The following IFT122 variants were observed in gnomAD, a reference collection of about 807,000 sequenced individuals.
IFT122 encodes intraflagellar transport 122.
Under a neutral mutation model 161.6 loss-of-function variants are expected in IFT122, and 118 were observed. The observed-to-expected ratio is 0.73, with a 90% confidence interval of 0.63 to 0.85. IFT122 has a LOEUF of 0.85. IFT122 is among the 40% of genes least tolerant of loss of function. The pLI is 0.00. For missense variants in IFT122, 1,381 were observed against 1,579.6 expected (o/e 0.87, Z 2.13); for synonymous variants, 550 against 602.4 (o/e 0.91, Z 1.27).
intron 18 of IFT122, among the ~76,000 whole-genome samples, chr3:129,498,233 C>T (rs2081118947): frequency 6.6e-6 from 1 of 152,258 alleles, no homozygotes; most frequent in South Asian, 2.1e-4. Context: ...TTATGGCTCC[C>T]TCTCAGCCTC....
intron 1 of IFT122, among the ~76,000 whole-genome samples, chr3:129,444,046 C>G (rs1384279587): frequency 6.6e-6 from 1 of 152,198 alleles, no homozygotes; most frequent in East Asian, 1.9e-4. Flanking sequence ...GCTCCAACAT[C>G]TAATAATCCA....
intron 9 of IFT122, among the ~76,000 whole-genome samples, chr3:129,471,968 A>C (rs945842402): frequency 6.6e-6 from 1 of 152,194 alleles, no homozygotes; most frequent in African/African-American, 2.4e-5. Context: ...TGTTATCATC[A>C]CCATTTTACA....
chr3:129,491,804 C>A (rs1195902905), intron 16 of IFT122, among the ~76,000 whole-genome samples: 1 of 152,200 alleles, frequency 6.6e-6, no homozygotes, highest in East Asian at 1.9e-4. Flanking sequence ...CGTGACCCCC[C>A]AGAGGGTCAG....
chr3:129,496,320 C>A (rs1280410019), intron 18 of IFT122, among the ~76,000 whole-genome samples: 1 of 152,044 alleles, frequency 6.6e-6, no homozygotes, highest in African/African-American at 2.4e-5. Flanking sequence ...CTAAGGAGCC[C>A]AGAGCAGTCA....
intron 11 of IFT122, 96 bp downstream of exon 11, chr3:129,476,897 C>G (rs1240797217): frequency 1.3e-6 from 2 of 1,497,392 alleles, no homozygotes; most frequent in Non-Finnish European, 1.8e-6. Flanking sequence ...AAAGGTTTCT[C>G]TTTGGCGTTT....
In IFT122 at chr3:129,457,354, A is replaced by G. The variant is rs556180686; in HGVS notation, c.194-1245A>G. Among the ~76,000 whole-genome samples, 17 of 152,338 alleles carry G rather than the reference A, an allele frequency of 1.1e-4. No homozygotes were observed. The East Asian group carries it at 3.3e-3, about 29-fold the overall frequency. ...TTCCCATTGCTTTAGGATAAAGAGC[A>G]AGGCCTCTGCTGTGTCCCTGAGGTC... On this transcript the variant is annotated intron_variant, in intron 3 of 29. Transcript: ENST00000348417.
chr3:129,507,797 C>CA, intron 23 of IFT122, 35 bp downstream of exon 23: 10 of 1,514,388 alleles, frequency 6.6e-6, no homozygotes, highest in Non-Finnish European at 9.2e-6. Flanking sequence ...CTGAGGGTAC[C>CA]ATCTCCTGAG....
intron 27 of IFT122, 69 bp from the exon 28 acceptor site, chr3:129,519,038 G>A (rs891257821): frequency 7.5e-7 from 1 of 1,327,152 alleles, no homozygotes; most frequent in South Asian, 1.2e-5. Flanking sequence ...TCTCACAGGG[G>A]TGTAGGGTGG....
Position 129,479,854 on chromosome 3 carries a change from C to A in IFT122, c.1420C>A (p.Arg474Ser), listed in dbSNP as rs766295275. 1.9e-6 allele frequency: 3 copies of A among 1,614,002 alleles called. No individual in the cohort carries two copies. Among genetic ancestry groups the A allele is most frequent in the Non-Finnish European group, 1.7e-6 (2 of 1,179,984 alleles). Reference sequence around the variant, plus strand: ...GGAGTGGCAGATGGAGTCTCTCATTCGTTACATCAAGGTGATCGGTGGCCC... The same window carrying A: ...GGAGTGGCAGATGGAGTCTCTCATTAGTTACATCAAGGTGATCGGTGGCCC... ...EREWQMESLIRYIKVIGGPPG... is the reference protein window; with the variant it reads ...EREWQMESLISYIKVIGGPPG... The change falls in exon 13 of 30, where the codon CGT (arginine) becomes AGT (serine). Residue 474 changes from arginine (R) to serine (S), a missense_variant. Around this residue, in one of 7 missense-constraint regions of IFT122, gnomAD observed 544 missense variants for 648.0 expected, o/e 0.84. Transcript: ENST00000348417.
intron 3 of IFT122, chr3:129,456,311 T>C: frequency 8.3e-7 from 1 of 1,205,430 alleles, no homozygotes; most frequent in East Asian, 5.7e-5. Flanking sequence ...CAATATCATA[T>C]GGCTCACCCT....
chr3:129,484,971 G>A (rs1387468058), intron 15 of IFT122, among the ~76,000 whole-genome samples: 1 of 152,092 alleles, frequency 6.6e-6, no homozygotes, highest in African/African-American at 2.4e-5. Flanking sequence ...CCACCACAAG[G>A]TCCCTGGTGT....
In IFT122 at chr3:129,479,975, G is replaced by A; in HGVS notation, c.1488+53G>A. ...GGCTGATAATCTGCATGCACACGTG[G>A]GTGACCCGTCTAGCAATGACTCTGA... On this transcript the variant is annotated intron_variant, in intron 13 of 29. Transcript: ENST00000348417. The A allele has an allele frequency of 5.0e-6, 8 of 1,608,590 alleles. No individual in the cohort carries two copies. In the South Asian group the frequency reaches 8.8e-5, roughly 18 times the overall value.
intron 3 of IFT122, among the ~76,000 whole-genome samples, chr3:129,457,171 G>A (rs1036953621): frequency 5.9e-5 from 9 of 152,168 alleles, no homozygotes; most frequent in Admixed American, 3.9e-4. Flanking sequence ...CCATGGTACC[G>A]TGATCCTCTT....
intron 9 of IFT122, among the ~76,000 whole-genome samples, chr3:129,473,758 C>A (rs2077610869): frequency 6.6e-6 from 1 of 152,194 alleles, no homozygotes; most frequent in Admixed American, 6.5e-5. Flanking sequence ...TCTATACTCA[C>A]CCAGCATGAT....
chr3:129,453,235 G>A, intron 3 of IFT122, among the ~76,000 whole-genome samples: 1 of 152,288 alleles, frequency 6.6e-6, no homozygotes, highest in East Asian at 1.9e-4. Context: ...GCAGAGGCCA[G>A]CAGATGGGGA....
intron 20 of IFT122, 87 bp downstream of exon 20, chr3:129,502,969 G>T: frequency 1.5e-6 from 2 of 1,316,506 alleles, no homozygotes; most frequent in South Asian, 1.3e-5. Context: ...TTGGGGTTCA[G>T]ATGGAGAGAA....
In IFT122 at chr3:129,479,819, T is replaced by A; in HGVS notation, c.1385T>A (p.Val462Glu). 6.2e-7 allele frequency: 1 copy of A among 1,613,788 alleles called. No individual in the cohort carries two copies. Among genetic ancestry groups the A allele is most frequent in the Non-Finnish European group, 8.5e-7 (1 of 1,179,968 alleles). Residue 462 changes from valine (V) to glutamate (E), a missense_variant, in exon 13 of 30, where the codon GTG (valine) becomes GAG (glutamate). Around this residue, in one of 7 missense-constraint regions of IFT122, gnomAD observed 544 missense variants for 648.0 expected, o/e 0.84. Coordinates refer to ENST00000348417, the MANE Select transcript of IFT122 (RefSeq NM_052989.3). ...CTGCAGTGCCTGTCCTTCAGCGGAG[T>A]GAAGGAGCGGGAGTGGCAGATGGAG... ...KRLQCLSFSGVKEREWQMESL... is the reference protein window; with the variant it reads ...KRLQCLSFSGEKEREWQMESL...
At chr3:129,491,240 G>C (rs1402177436) in intron 16 of IFT122, among the ~76,000 whole-genome samples, 1 of 152,232 alleles carries the variant, frequency 6.6e-6, no homozygotes, top group Non-Finnish European at 1.5e-5. Context: ...CTGCTGAGCA[G>C]AGGCTGCAAG....
Position 129,483,543 on chromosome 3 carries a change from C to T in IFT122, c.1712C>T (p.Ser571Leu), listed in dbSNP as rs143142324. The T allele has an allele frequency of 9.9e-6, 16 of 1,613,946 alleles. No individual in the cohort carries two copies. The highest frequency in any genetic ancestry group is 1.6e-4 in the Middle Eastern group (1 of 6,082). The part of the protein sequence containing the change: ...NTQCEDMLCF[S>L]GGGYLNIKAS... ...CAGTGTGAGGACATGCTCTGCTTCT[C>T]GGGAGGAGGCTACCTCAACATCAAA... Residue 571 changes from serine (S) to leucine (L), a missense_variant, in exon 15 of 30, where the codon TCG becomes TTG. Ser to Leu is a moderately radical substitution (Grantham distance 145). Transcript: ENST00000348417.
Sources: gnomAD v4.1 joint callset for allele counts (sites outside exome capture counted in the v4.1 genomes callset) on GRCh38, gnomAD v4.1.1 for gene constraint, gnomAD v4.1.1 regional missense constraint, MANE v1.5 for transcripts, NCBI Gene and HGNC (gene_info 2026-07-23, HGNC 2026-07-21) for gene names.